METAP1: variants seen among roughly 807,000 people sequenced by gnomAD.
The protein encoded by METAP1 is methionine aminopeptidase 1.
METAP1 carries 28 observed loss-of-function variants against 53.8 expected under a neutral mutation model. The ratio of observed to expected loss-of-function variants is 0.52; its 90% CI spans 0.39 to 0.71. The LOEUF (loss-of-function observed/expected upper bound fraction) is 0.71, where lower values mean the gene tolerates loss of function less well. METAP1 is among the 30% of genes least tolerant of loss of function. The pLI is 0.00. For synonymous variants in METAP1, 181 were observed against 165.7 expected, an observed-to-expected ratio of 1.09 and a Z score of -0.71; for missense variants, 389 against 479.8, an observed-to-expected ratio of 0.81 and a Z score of 1.77.
chr4:98,999,195 C>G (rs1449336075), intron 1 of METAP1, among the ~76,000 whole-genome samples: 1 of 152,076 alleles, frequency 6.6e-6, no homozygotes, highest in South Asian at 2.1e-4. Flanking sequence ...GTATGATGCT[C>G]TGTATGCAGT....
intron 10 of METAP1, among the ~76,000 whole-genome samples, chr4:99,060,480 C>T (rs1727468436): frequency 6.7e-6 from 1 of 149,958 alleles, no homozygotes; most frequent in Non-Finnish European, 1.5e-5. Context: ...TCTTCTGACT[C>T]AGCTTCCCGA....
At chr4:99,020,234 T>A (rs1724013540) in intron 1 of METAP1, among the ~76,000 whole-genome samples, 1 of 152,194 alleles carries the variant, frequency 6.6e-6, no homozygotes, top group African/African-American at 2.4e-5. Context: ...TTTGCTCTGC[T>A]ACTCTCTCTG....
chr4:99,042,098 GTTAA>G (rs974728620), intron 6 of METAP1, among the ~76,000 whole-genome samples: 9 of 151,802 alleles, frequency 5.9e-5, no homozygotes, highest in African/African-American at 1.5e-4. Flanking sequence ...GAAGAGAGAG[GTTAA>G]TTAATTAAAT....
chr4:99,026,443 A>G (rs1215277713), intron 1 of METAP1: 3 of 985,274 alleles, frequency 3.0e-6, no homozygotes, highest in African/African-American at 3.5e-5. Flanking sequence ...GAAACGACCT[A>G]ATGGAATGGG....
intron 10 of METAP1, among the ~76,000 whole-genome samples, chr4:99,058,438 A>G (rs1394390498): frequency 2.0e-5 from 3 of 152,074 alleles, no homozygotes; most frequent in Non-Finnish European, 2.9e-5. Context: ...TGGAAAGCAC[A>G]CTTGGCTCTG....
chr4:98,996,465 G>C (rs1479093766), intron 1 of METAP1, among the ~76,000 whole-genome samples: 1 of 152,244 alleles, frequency 6.6e-6, no homozygotes, highest in Non-Finnish European at 1.5e-5. Flanking sequence ...ACCGTGCTTT[G>C]ACACTTAAGC....
At chr4:99,004,201 A>G (rs545550823) in intron 1 of METAP1, among the ~76,000 whole-genome samples, 11 of 152,266 alleles carry the variant, frequency 7.2e-5, no homozygotes, top group South Asian at 2.1e-4. Context: ...TCTGAACCCA[A>G]TCCTCTTGGG....
chr4:98,999,356 A>G (rs1017191459), intron 1 of METAP1, among the ~76,000 whole-genome samples: 10 of 151,934 alleles, frequency 6.6e-5, no homozygotes, highest in Non-Finnish European at 1.3e-4. Context: ...AAATGGGGCT[A>G]TTAATAATAC....
At chr4:99,025,239 A>T (rs1040611690) in intron 1 of METAP1, 35 of 428,876 alleles carry the variant, frequency 8.2e-5, no homozygotes, top group African/African-American at 7.1e-4. Context: ...GCCTGTGCCC[A>T]GGAATGAACA....
rs1196637388 is a variant in METAP1 at position 99,039,696 on chromosome 4, C to T, written c.432+231C>T. On this transcript the variant is annotated intron_variant, in intron 5 of 10. Transcript: ENST00000296411. ...GCAACCTCCACCTTCTGTTTTCAAGCGATTCTTCTGCCTCAGCCTCCTGAG... is the reference window on the plus strand; with the variant it reads ...GCAACCTCCACCTTCTGTTTTCAAGTGATTCTTCTGCCTCAGCCTCCTGAG... 4.6e-5 allele frequency among the ~76,000 whole-genome samples: 7 copies of T among 151,794 alleles called. No homozygotes were observed. In the South Asian group the frequency reaches 6.2e-4, roughly 13 times the overall value.
intron 4 of METAP1, among the ~76,000 whole-genome samples, chr4:99,036,790 G>T (rs1379679756): frequency 6.6e-6 from 1 of 152,004 alleles, no homozygotes; most frequent in Non-Finnish European, 1.5e-5. Context: ...CAATTTGACT[G>T]CAGTAACTAC....
chr4:99,045,441 G>A, intron 8 of METAP1, 131 bp downstream of exon 8: 1 of 958,080 alleles, frequency 1.0e-6, no homozygotes, highest in South Asian at 2.1e-5. Flanking sequence ...AGCTTTGGTT[G>A]TTAGCAGTAA....
intron 1 of METAP1, among the ~76,000 whole-genome samples, chr4:99,012,993 G>T (rs1242948818): frequency 6.6e-6 from 1 of 152,112 alleles, no homozygotes; most frequent in East Asian, 1.9e-4. Flanking sequence ...GGAGTGTCTG[G>T]ATTAAAATAA....
intron 1 of METAP1, among the ~76,000 whole-genome samples, chr4:99,018,710 A>G (rs1723919310): frequency 6.6e-6 from 1 of 152,160 alleles, no homozygotes; most frequent in South Asian, 2.1e-4. Flanking sequence ...ATCTTGTACT[A>G]ATAGGTAGGA....
intron 8 of METAP1, among the ~76,000 whole-genome samples, chr4:99,046,612 A>G (rs1411850627): frequency 6.6e-6 from 1 of 152,098 alleles, no homozygotes; most frequent in Non-Finnish European, 1.5e-5. Flanking sequence ...AGACAAACAT[A>G]CAGTTATCTC....
chr4:99,057,700 A>G, intron 9 of METAP1, 53 bp from the exon 10 acceptor site: 2 of 1,346,116 alleles, frequency 1.5e-6, no homozygotes, highest in Admixed American at 2.1e-5. Flanking sequence ...TTAGCTGTTC[A>G]ACAGTACACT....
In METAP1 at chr4:99,043,316, C is replaced by T. The variant is rs1359763682; in HGVS notation, c.584C>T (p.Thr195Ile). The stretch of plus-strand genomic sequence containing the variant: ...TATAATTTCCCAAAGTCTTGTTGTA[C>T]CTCAGTGAATGAAGTCATTTGCCAT... ...NYYNFPKSCC[T>I]SVNEVICHGI... Residue 195 changes from threonine (T) to isoleucine (I), a missense_variant, in exon 7 of 11, where the codon ACC becomes ATC. Thr to Ile is a moderately conservative substitution (Grantham distance 89, BLOSUM62 -1). Transcript: ENST00000296411. 1.9e-6 allele frequency: 3 copies of T among 1,606,678 alleles called. No individual in the cohort carries two copies. In the Admixed American group the frequency reaches 5.0e-5, roughly 27 times the overall value.
chr4:99,033,373 T>A (rs1307967264), intron 2 of METAP1, among the ~76,000 whole-genome samples: 1 of 152,200 alleles, frequency 6.6e-6, no homozygotes. Flanking sequence ...GGCCAATACT[T>A]GGTCTACGAG....
At position 98,998,667 on chromosome 4, in the gene METAP1, A is replaced by G. The variant is rs1319530078; in HGVS notation, c.114+2800A>G. 3.3e-5 allele frequency among the ~76,000 whole-genome samples: 5 copies of G among 152,202 alleles called. No homozygotes were observed. In the East Asian group the frequency reaches 7.7e-4, roughly 23 times the overall value. ...CTGTCTGGCCAGCTTGTCTTTGGGA[A>G]CAAACAGAACAAAACTGCAAGAGGC... On this transcript the variant is annotated intron_variant, in intron 1 of 10. Coordinates refer to ENST00000296411, the MANE Select transcript of METAP1 (RefSeq NM_015143.3).
Sources: gnomAD v4.1 joint callset for allele counts (sites outside exome capture counted in the v4.1 genomes callset) on GRCh38, gnomAD v4.1.1 for gene constraint, MANE v1.5 for transcripts, NCBI Gene and HGNC (gene_info 2026-07-23, HGNC 2026-07-21) for gene names.